The following CNBD1 variants were observed in gnomAD, a reference collection of about 807,000 sequenced individuals.
The protein encoded by CNBD1 is cyclic nucleotide binding domain containing 1, also known as cyclic nucleotide-binding domain-containing protein 1.
A neutral mutation model predicts 54.4 loss-of-function variants in CNBD1; 71 were observed. That is an observed-to-expected ratio of 1.30 (90% confidence interval 1.08 to 1.59). The LOEUF is 1.59. Among genes scored for constraint, CNBD1 ranks in the 40% most tolerant of loss-of-function variants. CNBD1 has a pLI of 0.00. For synonymous variants in CNBD1, 182 were observed against 170.7 expected (o/e 1.07, Z -0.51); for missense variants, 659 against 518.0 (o/e 1.27, Z -2.64).
At chr8:87,001,070 T>C (rs559596502) in intron 4 of CNBD1, among the ~76,000 whole-genome samples, 2 of 152,302 alleles carry the variant, frequency 1.3e-5, no homozygotes, top group East Asian at 1.9e-4. Flanking sequence ...ATTATCATTA[T>C]ATTGGACAGT....
At chr8:87,397,903 G>C (rs943995367) in intron 2 of CNBD1, among the ~76,000 whole-genome samples, 1 of 151,966 alleles carries the variant, frequency 6.6e-6, no homozygotes, top group Non-Finnish European at 1.5e-5. Flanking sequence ...GAGTTTCTCT[G>C]CACAAGCTCT....
chr8:87,327,939 A>T (rs1809720331), intron 8 of CNBD1, among the ~76,000 whole-genome samples: 1 of 148,160 alleles, frequency 6.7e-6, no homozygotes, highest in Admixed American at 6.7e-5. Flanking sequence ...AGTCTGTGTG[A>T]TTTTTTTTTT....
intron 4 of CNBD1, among the ~76,000 whole-genome samples, chr8:87,078,725 T>C (rs1013372436): frequency 6.6e-6 from 1 of 152,198 alleles, no homozygotes; most frequent in Non-Finnish European, 1.5e-5. Context: ...AGGGAGATTT[T>C]AGTATTAAAA....
At chr8:86,898,523 A>G (rs1262907789) in intron 2 of CNBD1, among the ~76,000 whole-genome samples, 1 of 152,172 alleles carries the variant, frequency 6.6e-6, no homozygotes, top group Non-Finnish European at 1.5e-5. Flanking sequence ...ACCCACACAA[A>G]TATGTCAACT....
intron 5 of CNBD1, among the ~76,000 whole-genome samples, chr8:87,223,487 C>A (rs1814394891): frequency 6.7e-6 from 1 of 150,182 alleles, no homozygotes; most frequent in African/African-American, 2.4e-5. Flanking sequence ...TGAGAATATG[C>A]AGTGTTTGGT....
chr8:87,121,629 C>T (rs2130716298), intron 4 of CNBD1, among the ~76,000 whole-genome samples: 1 of 151,758 alleles, frequency 6.6e-6, no homozygotes, highest in Non-Finnish European at 1.5e-5. Flanking sequence ...TCATCTAAAG[C>T]TTTGTACCCT....
In CNBD1 at chr8:87,063,923, A is replaced by G. The variant is rs373680142; in HGVS notation, c.431+124169A>G. Among the ~76,000 whole-genome samples, 17 of 152,132 alleles carry G rather than the reference A, an allele frequency of 1.1e-4. No homozygotes were observed. In the South Asian group the frequency reaches 3.5e-3, roughly 31 times the overall value. On this transcript the variant is annotated intron_variant, in intron 4 of 10. Transcript: ENST00000518476. ...ATTTACTTATTGCTACTTTATAGAA[A>G]TGCAATTGATTTTTGTATACTGACC...
At chr8:87,026,086 GT>G (rs1256131756) in intron 4 of CNBD1, among the ~76,000 whole-genome samples, 2 of 152,108 alleles carry the variant, frequency 1.3e-5, no homozygotes, top group African/African-American at 4.8e-5. Context: ...AAGGTCAAAT[GT>G]TTTGCTTATT....
intron 4 of CNBD1, among the ~76,000 whole-genome samples, chr8:87,082,567 A>T (rs1251616315): frequency 6.6e-6 from 1 of 152,164 alleles, no homozygotes; most frequent in Non-Finnish European, 1.5e-5. Flanking sequence ...TTTGAATGGT[A>T]TAGTTTTTTT....
At chr8:87,145,272 A>C (rs2130742676) in intron 4 of CNBD1, among the ~76,000 whole-genome samples, 1 of 152,310 alleles carries the variant, frequency 6.6e-6, no homozygotes, top group Non-Finnish European at 1.5e-5. Context: ...TGAAAACTAA[A>C]GAACAATAGA....
At chr8:87,215,889 C>G (rs1814199219) in intron 5 of CNBD1, among the ~76,000 whole-genome samples, 1 of 152,160 alleles carries the variant, frequency 6.6e-6, no homozygotes, top group South Asian at 2.1e-4. Flanking sequence ...TAAGCAATCA[C>G]TCACCATTCC....
chr8:87,212,712 G>A (rs181303511), intron 5 of CNBD1, among the ~76,000 whole-genome samples: 1 of 152,124 alleles, frequency 6.6e-6, no homozygotes, highest in Non-Finnish European at 1.5e-5. Flanking sequence ...TACCAAACAT[G>A]AATCAAGGAT....
chr8:87,317,421 A>G (rs549005296), intron 8 of CNBD1, among the ~76,000 whole-genome samples: 123 of 151,256 alleles, frequency 8.1e-4, no homozygotes, highest in Non-Finnish European at 1.6e-3. Context: ...TTTCCTGTAG[A>G]TTTCTCCTTG....
At chr8:87,174,116 G>A (rs1270184458) in intron 4 of CNBD1, among the ~76,000 whole-genome samples, 1 of 151,820 alleles carries the variant, frequency 6.6e-6, no homozygotes, top group Non-Finnish European at 1.5e-5. Context: ...ACACCACCAG[G>A]CCCAGCTAAT....
intron 8 of CNBD1, among the ~76,000 whole-genome samples, chr8:87,324,264 C>CT (rs944890201): frequency 6.4e-5 from 8 of 124,646 alleles, no homozygotes; most frequent in Non-Finnish European, 1.3e-4. Context: ...CTAAAATTCT[C>CT]TTTTTTGGTT....
rs370807211 is a variant in CNBD1 at position 86,945,600 on chromosome 8, G to A, written c.431+5846G>A. ...TTTGTGAAAAATACAGTATTTTGGA[G>A]GAAAACCGCACTTCAATGGAGTGGA... On this transcript the variant is annotated intron_variant, in intron 4 of 10. Transcript: ENST00000518476. 7.9e-5 allele frequency among the ~76,000 whole-genome samples: 12 copies of A among 152,178 alleles called. No individual in the cohort carries two copies. The East Asian group carries it at 2.1e-3, about 27-fold the overall frequency.
chr8:86,959,037 A>T (rs1323820296), intron 4 of CNBD1, among the ~76,000 whole-genome samples: 1 of 152,194 alleles, frequency 6.6e-6, no homozygotes, highest in African/African-American at 2.4e-5. Flanking sequence ...CTTGTAAAGC[A>T]GGCCTGGTGG....
chr8:87,079,234 A>G (rs1386729755), intron 4 of CNBD1, among the ~76,000 whole-genome samples: 7 of 151,792 alleles, frequency 4.6e-5, no homozygotes, highest in Non-Finnish European at 5.9e-5. Context: ...TGATAATACA[A>G]TTTTTTTTCA....
intron 4 of CNBD1, among the ~76,000 whole-genome samples, chr8:87,068,018 A>G (rs17623545): frequency 0.2 from 30,566 of 151,870 alleles, 3,736 homozygotes; most frequent in Non-Finnish European, 0.28. Context: ...CTCCTTTACA[A>G]CTCTAGCAAA....
Sources: gnomAD v4.1 joint callset for allele counts (sites outside exome capture counted in the v4.1 genomes callset) on GRCh38, gnomAD v4.1.1 for gene constraint, MANE v1.5 for transcripts, NCBI Gene and HGNC (gene_info 2026-07-23, HGNC 2026-07-21) for gene names.